NME9: variants seen among roughly 807,000 people sequenced by gnomAD.
The protein encoded by NME9 is NME/NM23 family member 9.
A neutral mutation model predicts 44.4 loss-of-function variants in NME9; 48 were observed. The observed-to-expected ratio is 1.08, with a 90% CI of 0.86 to 1.37. The LOEUF is 1.37. Among genes scored for constraint, NME9 ranks in the 40% most tolerant of loss-of-function variants. NME9 has a pLI of 0.00. For missense variants in NME9, 325 were observed against 405.2 expected (o/e 0.80, Z 1.70); for synonymous variants, 139 against 147.1 (o/e 0.94, Z 0.40).
rs2051844345 is a variant in NME9 at position 138,301,505 on chromosome 3, ATAT to A, written c.*132_*134del. ...CAGGTGTGAGTCACTGCGCCCAGCC[ATAT>A]TATTTTCATTGTCTACAAAAGACAG... On this transcript the variant is annotated 3_prime_UTR_variant, in exon 11 of 11. Coordinates refer to ENST00000333911, the MANE Select transcript of NME9 (RefSeq NM_001349018.2). 2 of 1,445,490 alleles carry A rather than the reference ATAT, an allele frequency of 1.4e-6. No homozygotes were observed. Among genetic ancestry groups the A allele is most frequent in the African/African-American group, 2.8e-5 (2 of 70,272 alleles). 89.5% of individuals were successfully genotyped at this position (1,445,490 alleles called of 1,614,324 possible).
intron 8 of NME9, among the ~76,000 whole-genome samples, chr3:138,286,864 C>T (rs1030175383): frequency 3.3e-5 from 5 of 152,182 alleles, no homozygotes; most frequent in African/African-American, 1.2e-4. Context: ...CTTACATATC[C>T]GCCTGCCCTT....
chr3:138,311,606 C>T (rs1431926000), intron 6 of NME9, among the ~76,000 whole-genome samples: 33 of 152,162 alleles, frequency 2.2e-4, no homozygotes, highest in Admixed American at 2.2e-3. Flanking sequence ...AAATGTGATT[C>T]ATCAAATCAT....
chr3:138,271,798 C>CT (rs776320900), intron 8 of NME9, among the ~76,000 whole-genome samples: 3,444 of 136,094 alleles, frequency 0.025, 182 homozygotes, highest in African/African-American at 0.085. Flanking sequence ...TTTTTTCTTT[C>CT]TTTTTTTTTT....
In NME9 at chr3:138,329,557, G is replaced by A; in HGVS notation, c.-222C>T. 7.5e-7 allele frequency: 1 copy of A among 1,326,810 alleles called. No homozygotes were observed. The highest frequency in any genetic ancestry group is 9.6e-7 in the Non-Finnish European group (1 of 1,041,526). The allele number at this position is 1,326,810 out of a possible 1,614,324, so 82.2% of individuals were successfully genotyped here. A position where few individuals can be genotyped will look rare whatever the true frequency, so the allele number is the denominator to read the frequency against. Reference sequence around the variant, plus strand: ...AGGAAGCGGAGCCTGCAGTCCACGGGCTCGTGGCTCGCCGGGCGGTTTTCT... The same window carrying A: ...AGGAAGCGGAGCCTGCAGTCCACGGACTCGTGGCTCGCCGGGCGGTTTTCT... On this transcript the variant is annotated 5_prime_UTR_variant, in exon 1 of 11. Transcript: ENST00000333911.
At chr3:138,304,690 C>G (rs2052101512) in intron 9 of NME9, among the ~76,000 whole-genome samples, 183 bp downstream of exon 9, 1 of 152,308 alleles carries the variant, frequency 6.6e-6, no homozygotes, top group South Asian at 2.1e-4. Flanking sequence ...AGGCCCTCAG[C>G]AAAGGCTGAG....
chr3:138,276,441 A>G (rs902239072), intron 8 of NME9, among the ~76,000 whole-genome samples: 1 of 152,198 alleles, frequency 6.6e-6, no homozygotes, highest in African/African-American at 2.4e-5. Flanking sequence ...CTCCTGTTCA[A>G]CATTGTGCTG....
At chr3:138,319,069 G>A (rs1027263006) in intron 3 of NME9, among the ~76,000 whole-genome samples, 3 of 152,148 alleles carry the variant, frequency 2.0e-5, no homozygotes, top group Non-Finnish European at 4.4e-5. Context: ...ATGGTGGCAT[G>A]TGCCTATATA....
intron 6 of NME9, among the ~76,000 whole-genome samples, chr3:138,312,761 A>G (rs2052788293): frequency 6.6e-6 from 1 of 152,226 alleles, no homozygotes; most frequent in East Asian, 1.9e-4. Flanking sequence ...AAATGAGATC[A>G]CATCAAGCAA....
rs2053671880 is a variant in NME9 at position 138,324,727 on chromosome 3, C to T, written c.91+146G>A. The T allele has an allele frequency of 3.6e-5, 24 of 666,776 alleles. No homozygotes were observed. The East Asian group carries it at 6.3e-4, about 18-fold the overall frequency. The allele number at this position is 666,776 out of a possible 1,614,324, so 41.3% of individuals were successfully genotyped here. A position where few individuals can be genotyped will look rare whatever the true frequency, so the allele number is the denominator to read the frequency against. On this transcript the variant is annotated intron_variant, in intron 2 of 10. Coordinates refer to ENST00000333911, the MANE Select transcript of NME9 (RefSeq NM_001349018.2). Reference sequence around the variant, plus strand: ...ACACACACACACACACACACACACACACACACACACACATCACCTGGTTTT... The same window carrying T: ...ACACACACACACACACACACACACATACACACACACACATCACCTGGTTTT...
chr3:138,287,556 A>T (rs148609121), intron 8 of NME9: 4,801 of 451,540 alleles, frequency 0.011, 45 homozygotes, highest in Non-Finnish European at 0.015. Context: ...AGTATATACA[A>T]GCTCATTTAT....
Position 138,329,751 on chromosome 3 carries a change from T to C in NME9, c.-416A>G. Reference sequence around the variant, plus strand: ...CTGTTATCCCTGCTGTTCTTATGGATTACTGGGAAAGTGAGCCACTGCGAA... The same window carrying C: ...CTGTTATCCCTGCTGTTCTTATGGACTACTGGGAAAGTGAGCCACTGCGAA... On this transcript the variant is annotated 5_prime_UTR_variant, in exon 1 of 11. Transcript: ENST00000333911. 1 of 1,008,826 alleles carries C rather than the reference T, an allele frequency of 9.9e-7. No homozygotes were observed. The highest frequency in any genetic ancestry group is 1.2e-6 in the Non-Finnish European group (1 of 845,230). 62.5% of individuals were successfully genotyped at this position (1,008,826 alleles called of 1,614,324 possible).
At chr3:138,262,364 TA>T in exon 9 of NME9, 1 of 732,326 alleles carries the variant, frequency 1.4e-6, no homozygotes, top group Non-Finnish European at 2.2e-6. Flanking sequence ...AAACACCAGA[TA>T]AAAATTACCA....
intron 8 of NME9, among the ~76,000 whole-genome samples, chr3:138,265,877 G>A (rs1398784299): frequency 1.3e-5 from 2 of 152,128 alleles, no homozygotes; most frequent in African/African-American, 2.4e-5. Context: ...TATGTGTTGA[G>A]GTCCTGGAAT....
At chr3:138,270,649 CTAAT>C (rs1340465650) in intron 8 of NME9, among the ~76,000 whole-genome samples, 2 of 152,026 alleles carry the variant, frequency 1.3e-5, no homozygotes, top group Non-Finnish European at 2.9e-5. Flanking sequence ...CTAATTTGAG[CTAAT>C]TAATTAACAT....
Position 138,329,649 on chromosome 3 carries a change from G to C in NME9, c.-314C>G. ...GGGGCGCGCGCAGAGGCCGGAGTCA[G>C]TGCGCCGGGCGCGGTGCAGCCTGTC... On this transcript the variant is annotated 5_prime_UTR_variant, in exon 1 of 11. Coordinates refer to ENST00000333911, the MANE Select transcript of NME9 (RefSeq NM_001349018.2). 1.6e-6 allele frequency: 2 copies of C among 1,264,968 alleles called. No homozygotes were observed. Among genetic ancestry groups the C allele is most frequent in the Non-Finnish European group, 2.0e-6 (2 of 1,004,100 alleles). 78.4% of individuals were successfully genotyped at this position (1,264,968 alleles called of 1,614,324 possible).
At chr3:138,324,674 T>C in intron 2 of NME9, 199 bp downstream of exon 2, 1 of 644,710 alleles carries the variant, frequency 1.6e-6, no homozygotes, top group Non-Finnish European at 2.9e-6. Flanking sequence ...GAACTGAATT[T>C]ACTGATATTC....
At position 138,322,966 on chromosome 3, in the gene NME9, T is replaced by C. The variant is rs563025314; in HGVS notation, c.91+1907A>G. 7.2e-5 allele frequency among the ~76,000 whole-genome samples: 11 copies of C among 152,334 alleles called. No individual in the cohort carries two copies. In the East Asian group the frequency reaches 1.5e-3, roughly 21 times the overall value. On this transcript the variant is annotated intron_variant, in intron 2 of 10. Coordinates refer to ENST00000333911, the MANE Select transcript of NME9 (RefSeq NM_001349018.2). ...GTTCCAGTTGCCCAGACAAGACACA[T>C]GGACAAAATGGTTAAGCCTTGGCAC...
At chr3:138,290,418 G>A (rs954885885) in intron 8 of NME9, 3 of 676,090 alleles carry the variant, frequency 4.4e-6, no homozygotes, top group Non-Finnish European at 7.7e-6. Context: ...TTGGGAGAGG[G>A]TAGAGGACAA....
chr3:138,300,212 G>A (rs1207529106), downstream of NME9, among the ~76,000 whole-genome samples: 1 of 152,190 alleles, frequency 6.6e-6, no homozygotes, highest in East Asian at 1.9e-4. Context: ...TCCAGGGGTG[G>A]CACGAGGTCC....
Sources: allele counts gnomAD v4.1 joint callset (sites outside exome capture counted in the v4.1 genomes callset), GRCh38; gene constraint gnomAD v4.1.1; transcripts MANE v1.5; gene names NCBI Gene and HGNC (gene_info 2026-07-23, HGNC 2026-07-21).